Variants in DERL1 observed in about 807,000 individuals in gnomAD.
The protein encoded by DERL1 is derlin 1.
DERL1 carries 24 observed loss-of-function variants against 41.6 expected under a neutral mutation model. That is an observed-to-expected ratio of 0.58 (90% confidence interval 0.42 to 0.81). The LOEUF (loss-of-function observed/expected upper bound fraction) is 0.81. DERL1 is among the 30% of genes least tolerant of loss of function. The pLI is 0.00. For synonymous variants in DERL1, 124 were observed against 112.5 expected, an observed-to-expected ratio of 1.10 and a Z score of -0.65; for missense variants, 260 against 314.3, an observed-to-expected ratio of 0.83 and a Z score of 1.31.
At chr8:123,026,089 A>T (rs1366342008) in intron 2 of DERL1, among the ~76,000 whole-genome samples, 2 of 152,180 alleles carry the variant, frequency 1.3e-5, no homozygotes, top group Non-Finnish European at 2.9e-5. Flanking sequence ...TAGTCAATTT[A>T]AAAAAAGAAA....
chr8:123,016,257 C>T (rs1229671755), intron 7 of DERL1: 1 of 152,052 alleles, frequency 6.6e-6, no homozygotes, highest in Admixed American at 6.6e-5. Flanking sequence ...AACTTAAACC[C>T]AAGCCTACAC....
At position 123,015,051 on chromosome 8, in the gene DERL1, A is replaced by C. The variant is rs182269468; in HGVS notation, c.*396T>G. 102 of 157,502 alleles carry C rather than the reference A, an allele frequency of 6.5e-4. No homozygotes were observed. The highest frequency in any genetic ancestry group is 6.9e-4 in the Non-Finnish European group (49 of 71,478). 9.8% of individuals were successfully genotyped at this position (157,502 alleles called of 1,614,324 possible). A position where few individuals can be genotyped will look rare whatever the true frequency, so the allele number is the denominator to read the frequency against. ...CTAGTTGCAAATGTGGGGGTTGGGAAAAGTGGGAGAGAGGCATGTGTGCAA... is the reference window on the plus strand; with the variant it reads ...CTAGTTGCAAATGTGGGGGTTGGGACAAGTGGGAGAGAGGCATGTGTGCAA... On this transcript the variant is annotated 3_prime_UTR_variant, in exon 8 of 8. Coordinates refer to ENST00000259512, the MANE Select transcript of DERL1 (RefSeq NM_024295.6).
Position 123,024,938 on chromosome 8 carries a change from G to GA in DERL1, c.330+47dup, listed in dbSNP as rs749326951. On this transcript the variant is annotated intron_variant, in intron 3 of 7. Coordinates refer to ENST00000259512, the MANE Select transcript of DERL1 (RefSeq NM_024295.6). The stretch of plus-strand genomic sequence containing the variant: ...AATATGGTCTATTTCCCCAAACCTG[G>GA]AAAAAAACTGGTTTATTTCTGGCCC... 36 of 1,593,204 alleles carry GA rather than the reference G, an allele frequency of 2.3e-5. 1 individual carries two copies. The African/African-American group carries it at 3.5e-4, about 16-fold the overall frequency.
At chr8:123,016,843 T>A (rs1814587493) in intron 7 of DERL1, 1 of 149,256 alleles carries the variant, frequency 6.7e-6, no homozygotes, top group Admixed American at 6.7e-5. Context: ...GGGTTTTTGT[T>A]TTTTTGTTTT....
At chr8:123,038,241 G>A (rs190632750) in intron 1 of DERL1, among the ~76,000 whole-genome samples, 118 of 152,224 alleles carry the variant, frequency 7.8e-4, no homozygotes, top group African/African-American at 2.8e-3. Flanking sequence ...CAGCTTCTAA[G>A]GAAAAAAGGA....
intron 2 of DERL1, among the ~76,000 whole-genome samples, chr8:123,029,734 T>C (rs536009751): frequency 9.2e-5 from 14 of 152,170 alleles, no homozygotes; most frequent in African/African-American, 1.7e-4. Context: ...TAAGACACTT[T>C]TACGAAAAGA....
At chr8:123,021,003 A>G (rs1814749913) in intron 6 of DERL1, among the ~76,000 whole-genome samples, 1 of 151,526 alleles carries the variant, frequency 6.6e-6, no homozygotes, top group Non-Finnish European at 1.5e-5. Flanking sequence ...TCATCAAACC[A>G]CTTGCAAAAT....
intron 6 of DERL1, among the ~76,000 whole-genome samples, chr8:123,020,209 G>A (rs1281252160): frequency 6.6e-6 from 1 of 152,184 alleles, no homozygotes; most frequent in Non-Finnish European, 1.5e-5. Context: ...GCTGGGTGCA[G>A]TGGCTCATGC....
chr8:123,038,237 C>T lies in DERL1; in HGVS notation c.153+3733G>A, dbSNP rs141492579. On this transcript the variant is annotated intron_variant, in intron 1 of 7. Coordinates refer to ENST00000259512, the MANE Select transcript of DERL1 (RefSeq NM_024295.6). ...TTGTAAGTTGTGAAAGATTCAGCTTCTAAGGAAAAAAGGAACTTTCTAGCA... is the reference window on the plus strand; with the variant it reads ...TTGTAAGTTGTGAAAGATTCAGCTTTTAAGGAAAAAAGGAACTTTCTAGCA... 7.5e-3 allele frequency among the ~76,000 whole-genome samples: 1,146 copies of T among 152,300 alleles called. 3 individuals carry two copies. The highest frequency in any genetic ancestry group is 0.034 in the Middle Eastern group (10 of 294).
At chr8:123,037,634 C>T (rs575618827) in intron 1 of DERL1, among the ~76,000 whole-genome samples, 4 of 152,256 alleles carry the variant, frequency 2.6e-5, no homozygotes, top group African/African-American at 9.6e-5. Context: ...AAGAAATCAC[C>T]TTCAAAAATG....
At chr8:123,033,782 A>G (rs1812867628) in intron 1 of DERL1, among the ~76,000 whole-genome samples, 1 of 152,224 alleles carries the variant, frequency 6.6e-6, no homozygotes, top group Non-Finnish European at 1.5e-5. Flanking sequence ...CTTTCCAAGC[A>G]TACAACCCTA....
intron 1 of DERL1, among the ~76,000 whole-genome samples, chr8:123,037,407 G>A (rs373015802): frequency 1.4e-3 from 216 of 152,240 alleles, no homozygotes; most frequent in Non-Finnish European, 1.9e-3. Flanking sequence ...ATGGTGCATC[G>A]TATAATCAAT....
intron 7 of DERL1, chr8:123,018,748 A>C (rs1381635787): frequency 4.8e-6 from 1 of 207,026 alleles, no homozygotes; most frequent in African/African-American, 2.4e-5. Flanking sequence ...TAAAATGTCT[A>C]CTCCATAGTA....
intron 1 of DERL1, among the ~76,000 whole-genome samples, chr8:123,033,948 T>G (rs2130489979): frequency 6.6e-6 from 1 of 152,282 alleles, no homozygotes; most frequent in East Asian, 1.9e-4. Context: ...GAGATATGTG[T>G]CTATCTCATT....
Position 123,015,497 on chromosome 8 carries a change from C to T in DERL1, c.706G>A (p.Gly236Arg), listed in dbSNP as rs145513704. ...SMRRAADQNGGGGRHNWGQGF... is the reference protein window; with the variant it reads ...SMRRAADQNGRGGRHNWGQGF... The stretch of plus-strand genomic sequence containing the variant: ...TGGCCCCAGTTGTGTCTCCCGCCTC[C>T]GCCATTCTGATCAGCAGCTCGCCTC... Residue 236 changes from glycine (G) to arginine (R), a missense_variant, in exon 8 of 8, where the codon GGA becomes AGA. Gly to Arg is a moderately radical substitution (Grantham distance 125, BLOSUM62 -2). Coordinates refer to ENST00000259512, the MANE Select transcript of DERL1 (RefSeq NM_024295.6). 23 of 1,613,510 alleles carry T rather than the reference C, an allele frequency of 1.4e-5. No homozygotes were observed. The African/African-American group carries it at 2.1e-4, about 15-fold the overall frequency.
chr8:123,034,209 G>T (rs1316326874), intron 1 of DERL1, among the ~76,000 whole-genome samples: 1 of 152,218 alleles, frequency 6.6e-6, no homozygotes, highest in Non-Finnish European at 1.5e-5. Flanking sequence ...CCAAGTACAG[G>T]AATGTAACCC....
chr8:123,035,079 C>T (rs539202133), intron 1 of DERL1, among the ~76,000 whole-genome samples: 1 of 152,310 alleles, frequency 6.6e-6, no homozygotes, highest in Admixed American at 6.5e-5. Context: ...CTATAAGTTA[C>T]TCAAGGCCTG....
chr8:123,027,371 G>A (rs1186965656), intron 2 of DERL1, among the ~76,000 whole-genome samples: 1 of 150,224 alleles, frequency 6.7e-6, no homozygotes, highest in Non-Finnish European at 1.5e-5. Flanking sequence ...TGAAAAGGGA[G>A]AATGGCTGCT....
rs1814500857 is a variant in DERL1 at position 123,014,459 on chromosome 8, A to C, written c.*988T>G. 6.5e-6 allele frequency: 1 copy of C among 152,744 alleles called. No homozygotes were observed. Among genetic ancestry groups the C allele is most frequent in the African/African-American group, 2.4e-5 (1 of 41,458 alleles). The allele number at this position is 152,744 out of a possible 1,614,324, so 9.5% of individuals were successfully genotyped here. A position where few individuals can be genotyped will look rare whatever the true frequency, so the allele number is the denominator to read the frequency against. ...CAAAAAAGTGACATTTAAATAGCGTATGAGGGTCTCTCCTCCTTTACTCAA... is the reference window on the plus strand; with the variant it reads ...CAAAAAAGTGACATTTAAATAGCGTCTGAGGGTCTCTCCTCCTTTACTCAA... On this transcript the variant is annotated 3_prime_UTR_variant, in exon 8 of 8. Transcript: ENST00000259512.
Sources: gnomAD v4.1 joint callset for allele counts (sites outside exome capture counted in the v4.1 genomes callset) on GRCh38, gnomAD v4.1.1 for gene constraint, MANE v1.5 for transcripts, NCBI Gene and HGNC (gene_info 2026-07-23, HGNC 2026-07-21) for gene names.